Variants in TMEM132D observed in about 807,000 individuals in gnomAD.
The protein encoded by TMEM132D is transmembrane protein 132D, also known as mature OL transmembrane protein.
A neutral mutation model predicts 62.3 loss-of-function variants in TMEM132D; 21 were observed. That is an observed-to-expected ratio of 0.34 (90% CI 0.24 to 0.49). The LOEUF is 0.49. Among genes scored for constraint, TMEM132D ranks in the 20% least tolerant of loss-of-function variants. The probability of loss-of-function intolerance (pLI) is 0.99; values close to 1 mark genes in which losing one functional copy is unlikely to be tolerated. For missense variants in TMEM132D, 1,346 were observed against 1,402.8 expected (o/e 0.96, Z 0.65); for synonymous variants, 621 against 575.6 (o/e 1.08, Z -1.13).
intron 5 of TMEM132D, among the ~76,000 whole-genome samples, chr12:129,132,753 A>C (rs1876416502): frequency 6.6e-6 from 1 of 152,206 alleles, no homozygotes; most frequent in African/African-American, 2.4e-5. Context: ...GTACACCTTA[A>C]CTATGTACAC....
At chr12:129,220,062 T>G (rs1392685866) in intron 4 of TMEM132D, among the ~76,000 whole-genome samples, 1 of 152,166 alleles carries the variant, frequency 6.6e-6, no homozygotes, top group Admixed American at 6.5e-5. Context: ...TAATATTCAG[T>G]TTTAAGAATA....
chr12:129,712,346 G>C (rs1326567725), intron 1 of TMEM132D, among the ~76,000 whole-genome samples: 1 of 152,076 alleles, frequency 6.6e-6, no homozygotes, highest in Non-Finnish European at 1.5e-5. Context: ...GGATGGTCTC[G>C]ATCTCCTGAG....
chr12:129,507,095 CAT>C (rs1366539767), intron 3 of TMEM132D, among the ~76,000 whole-genome samples: 18 of 152,096 alleles, frequency 1.2e-4, no homozygotes, highest in Admixed American at 1.1e-3. Context: ...GGCCAACAAA[CAT>C]ATGAAAAAAT....
At chr12:129,889,279 TC>T (rs1193406954) in intron 1 of TMEM132D, among the ~76,000 whole-genome samples, 8 of 152,124 alleles carry the variant, frequency 5.3e-5, no homozygotes, top group Non-Finnish European at 1.0e-4. Flanking sequence ...TCTTCTACGT[TC>T]CCCAGTCCTC....
intron 4 of TMEM132D, among the ~76,000 whole-genome samples, chr12:129,314,889 CTATT>C (rs1193056080): frequency 5.9e-5 from 9 of 151,548 alleles, no homozygotes; most frequent in African/African-American, 2.2e-4. Context: ...ATTTATCTAT[CTATT>C]TATTTTTGCA....
intron 2 of TMEM132D, among the ~76,000 whole-genome samples, chr12:129,625,162 T>A (rs76373806): frequency 0.019 from 2,879 of 152,332 alleles, 101 homozygotes; most frequent in African/African-American, 0.064. Context: ...TCTCTGAGCT[T>A]GCCTATTCAT....
At chr12:129,139,474 G>A (rs1398404194) in intron 5 of TMEM132D, among the ~76,000 whole-genome samples, 1 of 152,022 alleles carries the variant, frequency 6.6e-6, no homozygotes, top group Non-Finnish European at 1.5e-5. Flanking sequence ...AGGGTCACAG[G>A]GACTCCCAGT....
At position 129,802,437 on chromosome 12, in the gene TMEM132D, T is replaced by G. The variant is rs1445387123; in HGVS notation, c.79+100824A>C. On this transcript the variant is annotated intron_variant, in intron 1 of 8. Coordinates refer to ENST00000422113, the MANE Select transcript of TMEM132D (RefSeq NM_133448.3). ...CCCAGAATTTCATATCCAGCCAAAC[T>G]AAGCTTCATAAGTGAAGGAGAAATA... 5.5e-5 allele frequency among the ~76,000 whole-genome samples: 5 copies of G among 91,148 alleles called. No homozygotes were observed. The East Asian group carries it at 1.5e-3, about 27-fold the overall frequency. 59.8% of individuals were successfully genotyped at this position (91,148 alleles called of 152,430 possible). A position where few individuals can be genotyped will look rare whatever the true frequency, so the allele number is the denominator to read the frequency against.
In TMEM132D at chr12:129,637,636, G is replaced by T. The variant is rs148752317; in HGVS notation, c.968+62174C>A. On this transcript the variant is annotated intron_variant, in intron 2 of 8. Transcript: ENST00000422113. ...GCTCCCTAGCCATGCTTCCTGTAAAGCCTGCGGAGACTGGGTAATTTATAA... is the reference window on the plus strand; with the variant it reads ...GCTCCCTAGCCATGCTTCCTGTAAATCCTGCGGAGACTGGGTAATTTATAA... Among the ~76,000 whole-genome samples the T allele has an allele frequency of 5.3e-4, 80 of 152,232 alleles. No individual in the cohort carries two copies. In the East Asian group the frequency reaches 0.014, roughly 26 times the overall value.
intron 3 of TMEM132D, among the ~76,000 whole-genome samples, chr12:129,381,354 T>C (rs1241724077): frequency 1.3e-5 from 2 of 152,216 alleles, no homozygotes; most frequent in Non-Finnish European, 2.9e-5. Flanking sequence ...GAATGACTGA[T>C]GAAAGGATTA....
In TMEM132D at chr12:129,700,773, C is replaced by A. The variant is rs529933276; in HGVS notation, c.80-75G>T. 50 of 1,490,840 alleles carry A rather than the reference C, an allele frequency of 3.4e-5. No individual in the cohort carries two copies. The African/African-American group carries it at 6.4e-4, about 19-fold the overall frequency. The allele number at this position is 1,490,840 out of a possible 1,614,324, so 92.4% of individuals were successfully genotyped here. A position where few individuals can be genotyped will look rare whatever the true frequency, so the allele number is the denominator to read the frequency against. On this transcript the variant is annotated intron_variant, in intron 1 of 8. Transcript: ENST00000422113. ...TACCAGCATTTCAGACATCTGCGTG[C>A]CCCCTTCATAACAGAGGACCCTGTC...
intron 3 of TMEM132D, among the ~76,000 whole-genome samples, chr12:129,414,054 T>A (rs969806125): frequency 1.3e-5 from 2 of 152,212 alleles, no homozygotes. Context: ...TCACCAAAAT[T>A]AAACTTCTTT....
At chr12:129,580,762 T>A (rs954838099) in intron 2 of TMEM132D, among the ~76,000 whole-genome samples, 1 of 152,280 alleles carries the variant, frequency 6.6e-6, no homozygotes, top group South Asian at 2.1e-4. Context: ...AATAAATCAC[T>A]GTCTGTTCTG....
At chr12:129,877,931 C>A (rs1041578530) in intron 1 of TMEM132D, among the ~76,000 whole-genome samples, 2 of 152,106 alleles carry the variant, frequency 1.3e-5, no homozygotes, top group African/African-American at 4.8e-5. Flanking sequence ...GCAATTTTGC[C>A]CTGAGAACTG....
At chr12:129,458,680 GT>G (rs1873558597) in intron 3 of TMEM132D, among the ~76,000 whole-genome samples, 1 of 152,208 alleles carries the variant, frequency 6.6e-6, no homozygotes. Flanking sequence ...GAAATTGGCA[GT>G]GGGCTAAACA....
chr12:129,733,077 C>T (rs564495286), intron 1 of TMEM132D, among the ~76,000 whole-genome samples: 51 of 152,258 alleles, frequency 3.3e-4, no homozygotes, highest in African/African-American at 1.2e-3. Context: ...GTGTCCTTTA[C>T]CATAACATTT....
intron 4 of TMEM132D, among the ~76,000 whole-genome samples, chr12:129,226,696 T>A (rs1475345880): frequency 6.6e-6 from 1 of 152,226 alleles, no homozygotes; most frequent in African/African-American, 2.4e-5. Flanking sequence ...CTCCTAACTT[T>A]TACATTTGGC....
At chr12:129,707,877 GA>G (rs1202092233) in intron 1 of TMEM132D, among the ~76,000 whole-genome samples, 2 of 152,012 alleles carry the variant, frequency 1.3e-5, no homozygotes, top group African/African-American at 2.4e-5. Context: ...TAAATATCAA[GA>G]AAAAAATAAA....
chr12:129,719,083 G>GAA (rs59987335), intron 1 of TMEM132D, among the ~76,000 whole-genome samples: 1,376 of 99,136 alleles, frequency 0.014, 20 homozygotes, highest in African/African-American at 0.047. Flanking sequence ...CAAAAAAAAT[G>GAA]AAAAAAAAAA....
Sources: gnomAD v4.1 joint callset for allele counts (sites outside exome capture counted in the v4.1 genomes callset) on GRCh38, gnomAD v4.1.1 for gene constraint, MANE v1.5 for transcripts, NCBI Gene and HGNC (gene_info 2026-07-23, HGNC 2026-07-21) for gene names.